ERBB2: variants seen among roughly 807,000 people sequenced by gnomAD.
The protein encoded by ERBB2 is receptor tyrosine-protein kinase erbB-2.
ERBB2 carries 61 observed loss-of-function variants against 149.0 expected under a neutral mutation model. The observed-to-expected ratio is 0.41, with a 90% CI of 0.33 to 0.51. The LOEUF (loss-of-function observed/expected upper bound fraction) is 0.51. Among genes scored for constraint, ERBB2 ranks in the 20% least tolerant of loss-of-function variants. ERBB2 has a pLI of 0.25. For synonymous variants in ERBB2, 633 were observed against 678.8 expected, an observed-to-expected ratio of 0.93 and a Z score of 1.05; for missense variants, 1,205 against 1,655.1, an observed-to-expected ratio of 0.73 and a Z score of 4.72.
At chr17:39,692,466 C>T (rs368015113), upstream of ERBB2, among the ~76,000 whole-genome samples, 1 of 148,954 alleles carries the variant, frequency 6.7e-6, no homozygotes, top group South Asian at 2.1e-4. Context: ...AGTGCAATGG[C>T]GCGATCTTAG....
intron 9 of ERBB2, among the ~76,000 whole-genome samples, chr17:39,714,864 G>C (rs1362789921): frequency 6.6e-6 from 1 of 151,362 alleles, no homozygotes; most frequent in Non-Finnish European, 1.5e-5. Context: ...CTGCCTCCCG[G>C]GTTCAAGTGA....
Position 39,723,475 on chromosome 17 carries a change from C to T in ERBB2, c.2085+18C>T. On this transcript the variant is annotated intron_variant, in intron 17 of 26. Coordinates refer to ENST00000269571, the MANE Select transcript of ERBB2 (RefSeq NM_004448.4). The surrounding 1 kb of genome is among the most constrained non-coding windows in gnomAD (Gnocchi z 6.2). Reference sequence around the variant, plus strand: ...AAACGGAGGTGAGGCGGGGTGAAGTCCTCCCAGCCCGCGTGGGGTCTGCAC... The same window carrying T: ...AAACGGAGGTGAGGCGGGGTGAAGTTCTCCCAGCCCGCGTGGGGTCTGCAC... The T allele has an allele frequency of 1.2e-6, 2 of 1,614,012 alleles. No individual in the cohort carries two copies. Among genetic ancestry groups the T allele is most frequent in the Non-Finnish European group, 1.7e-6 (2 of 1,179,978 alleles).
chr17:39,691,934 C>CACAT (rs2057718836), upstream of ERBB2, among the ~76,000 whole-genome samples: 1 of 120,884 alleles, frequency 8.3e-6, no homozygotes, highest in Admixed American at 8.6e-5. Context: ...TATACATATA[C>CACAT]ATATATATAT....
At chr17:39,710,546 G>GCA in intron 7 of ERBB2, 65 bp downstream of exon 7, 1 of 1,567,192 alleles carries the variant, frequency 6.4e-7, no homozygotes. Flanking sequence ...GTAAATGGGA[G>GCA]CATATGGGGA....
chr17:39,714,772 CTTTT>C (rs1305856787), intron 9 of ERBB2, among the ~76,000 whole-genome samples: 1 of 136,232 alleles, frequency 7.3e-6, no homozygotes, highest in Admixed American at 7.3e-5. Context: ...GATTTCTTTT[CTTTT>C]TTTTTTTTTT....
rs530002794 is a variant in ERBB2, at chr17:39,712,984, G to T, written c.1148+536G>T. On this transcript the variant is annotated intron_variant, in intron 9 of 26. Coordinates refer to ENST00000269571, the MANE Select transcript of ERBB2 (RefSeq NM_004448.4). ...AGATCAGAACGGTGGTTGCCCCAGG[G>T]TGGGGGGCTTCAAAAGGGAGGCACA... Among the ~76,000 whole-genome samples, 20 of 152,230 alleles carry T rather than the reference G, an allele frequency of 1.3e-4. No homozygotes were observed. The South Asian group carries it at 2.9e-3, about 22-fold the overall frequency.
Position 39,726,241 on chromosome 17 carries a change from CAGGA to C in ERBB2, c.2873-318_2873-315del, listed in dbSNP as rs4252653. The stretch of plus-strand genomic sequence containing the variant: ...CCCAGCTACTCAGGAGAGGCTGAGG[CAGGA>C]AGATCACTTGAGCCTAGTTTAAGGT... On this transcript the variant is annotated intron_variant, in intron 23 of 26. Transcript: ENST00000269571. The surrounding 1 kb of genome is among the most constrained non-coding windows in gnomAD (Gnocchi z 5.1). The C allele has an allele frequency of 6.1e-3, 2,621 of 429,114 alleles. 58 individuals are homozygous for C. The highest frequency in any genetic ancestry group is 0.047 in the African/African-American group (2,403 of 50,674). The allele number at this position is 429,114 out of a possible 1,614,324, so 26.6% of individuals were successfully genotyped here. A position where few individuals can be genotyped will look rare whatever the true frequency, so the allele number is the denominator to read the frequency against.
At chr17:39,722,518 TAAC>T (rs2059506243) in intron 16 of ERBB2, among the ~76,000 whole-genome samples, 3 of 152,016 alleles carry the variant, frequency 2.0e-5, no homozygotes, top group African/African-American at 7.3e-5. Context: ...AATAAATAAA[TAAC>T]ACAAACTTAT....
chr17:39,725,559 A>G lies in ERBB2; in HGVS notation c.2726-148A>G. The G allele has an allele frequency of 8.3e-7, 1 of 1,199,538 alleles. No homozygotes were observed. Among genetic ancestry groups the G allele is most frequent in the Non-Finnish European group, 1.2e-6 (1 of 845,980 alleles). The allele number at this position is 1,199,538 out of a possible 1,614,324, so 74.3% of individuals were successfully genotyped here. On this transcript the variant is annotated intron_variant, in intron 22 of 26. Transcript: ENST00000269571. The surrounding 1 kb of genome is among the most constrained non-coding windows in gnomAD (Gnocchi z 4.6). Reference sequence around the variant, plus strand: ...TTGCAGGGTCTGTGCACTTCCCAGGATTAGGGAAAGACCGGGTAGGGTCTG... The same window carrying G: ...TTGCAGGGTCTGTGCACTTCCCAGGGTTAGGGAAAGACCGGGTAGGGTCTG...
chr17:39,721,860 C>T (rs115334808), intron 16 of ERBB2, among the ~76,000 whole-genome samples: 8,568 of 152,074 alleles, frequency 0.056, 461 homozygotes, highest in African/African-American at 0.14. Flanking sequence ...CAGTATAAAC[C>T]GTACTTTGAA....
In ERBB2 at chr17:39,723,817, G is replaced by T; in HGVS notation, c.2209-95G>T. The T allele has an allele frequency of 6.7e-7, 1 of 1,493,060 alleles. No individual in the cohort carries two copies. The highest frequency in any genetic ancestry group is 9.2e-7 in the Non-Finnish European group (1 of 1,081,852). 92.5% of individuals were successfully genotyped at this position (1,493,060 alleles called of 1,614,324 possible). On this transcript the variant is annotated intron_variant, in intron 18 of 26. Coordinates refer to ENST00000269571, the MANE Select transcript of ERBB2 (RefSeq NM_004448.4). This position sits in a 1 kb window ranked among gnomAD's most constrained non-coding sequence, Gnocchi z 6.2. ...GGGAGCGGGGCCAAGCCCTAGGGTGGTGAAGGATGTTTGGAGGACAAGTAA... is the reference window on the plus strand; with the variant it reads ...GGGAGCGGGGCCAAGCCCTAGGGTGTTGAAGGATGTTTGGAGGACAAGTAA...
rs1030199850 is a variant in ERBB2, at chr17:39,710,832, C to T, written c.901+351C>T. 3.3e-5 allele frequency among the ~76,000 whole-genome samples: 5 copies of T among 152,204 alleles called. No homozygotes were observed. The South Asian group carries it at 8.3e-4, about 25-fold the overall frequency. ...TTTGAAAGAGTTAATATTTGTAAAG[C>T]TCTTAGAACGGTGCCTGGTATGTAC... On this transcript the variant is annotated intron_variant, in intron 7 of 26. Transcript: ENST00000269571.
Position 39,727,206 on chromosome 17 carries a change from T to A in ERBB2, c.3160-89T>A, listed in dbSNP as rs539794395. On this transcript the variant is annotated intron_variant, in intron 25 of 26. Coordinates refer to ENST00000269571, the MANE Select transcript of ERBB2 (RefSeq NM_004448.4). The surrounding 1 kb of genome is among the most constrained non-coding windows in gnomAD (Gnocchi z 4.3). ...TGTCATACCCCAAAGGTGACCTCTG[T>A]TTTTCTCCTGTGACCCTGTCACCTT... The A allele has an allele frequency of 1.3e-6, 2 of 1,510,266 alleles. No individual in the cohort carries two copies. Among genetic ancestry groups the A allele is most frequent in the South Asian group, 1.2e-5 (1 of 84,516 alleles). 93.6% of individuals were successfully genotyped at this position (1,510,266 alleles called of 1,614,324 possible).
chr17:39,728,050 A>C lies in ERBB2; in HGVS notation c.*6A>C, dbSNP rs376055107. The C allele has an allele frequency of 6.4e-7, 1 of 1,565,654 alleles. No individual in the cohort carries two copies. Among genetic ancestry groups the C allele is most frequent in the Non-Finnish European group, 8.7e-7 (1 of 1,154,800 alleles). Reference sequence around the variant, plus strand: ...GTCTGGACGTGCCAGTGTGAACCAGAAGGCCAAGTCCGCAGAAGCCCTGAT... The same window carrying C: ...GTCTGGACGTGCCAGTGTGAACCAGCAGGCCAAGTCCGCAGAAGCCCTGAT... On this transcript the variant is annotated 3_prime_UTR_variant, in exon 27 of 27. Transcript: ENST00000269571.
In ERBB2 at chr17:39,723,242, C is replaced by A; in HGVS notation, c.1947-77C>A. The stretch of plus-strand genomic sequence containing the variant: ...TCCCTTTCCGAATGCCAAACACCTT[C>A]ATGTCCCCCGTGGGCCCCCTTTGTC... On this transcript the variant is annotated intron_variant, in intron 16 of 26. Transcript: ENST00000269571. This position sits in a 1 kb window ranked among gnomAD's most constrained non-coding sequence, Gnocchi z 6.2. The A allele has an allele frequency of 6.8e-7, 1 of 1,460,138 alleles. No homozygotes were observed. Among genetic ancestry groups the A allele is most frequent in the Non-Finnish European group, 9.5e-7 (1 of 1,055,748 alleles). The allele number at this position is 1,460,138 out of a possible 1,614,324, so 90.4% of individuals were successfully genotyped here.
chr17:39,691,572 T>TACAC (rs1373633549), upstream of ERBB2, among the ~76,000 whole-genome samples: 24 of 121,554 alleles, frequency 2.0e-4, no homozygotes, highest in Non-Finnish European at 8.0e-5. Context: ...TATATATATA[T>TACAC]ATACACACAC....
At chr17:39,715,395 T>C (rs375646053) in intron 10 of ERBB2, 36 bp downstream of exon 10, 10 of 1,612,902 alleles carry the variant, frequency 6.2e-6, no homozygotes, top group Non-Finnish European at 8.5e-6. Context: ...CTGCAGGGGC[T>C]GGGAGTCCTT....
chr17:39,711,256 A>G (rs746835039), intron 7 of ERBB2, among the ~76,000 whole-genome samples: 2 of 151,420 alleles, frequency 1.3e-5, no homozygotes, highest in Non-Finnish European at 2.9e-5. Context: ...CAGTGGTGCA[A>G]TTTTGGCTCA....
intron 14 of ERBB2, among the ~76,000 whole-genome samples, 184 bp downstream of exon 14, chr17:39,716,789 C>A (rs2059157061): frequency 6.6e-6 from 1 of 152,118 alleles, no homozygotes; most frequent in African/African-American, 2.4e-5. Context: ...CACTGGGGCC[C>A]TTCAGACTAT....
Sources: gnomAD v4.1 joint callset for allele counts (sites outside exome capture counted in the v4.1 genomes callset) on GRCh38, gnomAD v4.1.1 for gene constraint, Gnocchi (gnomAD v3.1) non-coding constraint, MANE v1.5 for transcripts, NCBI Gene and HGNC (gene_info 2026-07-23, HGNC 2026-07-21) for gene names.